EHHADH: variants seen among roughly 807,000 people sequenced by gnomAD.
EHHADH encodes the protein peroxisomal bifunctional enzyme.
In EHHADH, 48 loss-of-function variants were observed where a neutral mutation model predicts 64.4. That is an observed-to-expected ratio of 0.75 (90% CI 0.59 to 0.95). EHHADH has a LOEUF of 0.95. EHHADH is among the 40% of genes least tolerant of loss of function. EHHADH has a pLI of 0.00. For missense variants in EHHADH, 854 were observed against 876.6 expected (o/e 0.97, Z 0.33); for synonymous variants, 308 against 326.7 (o/e 0.94, Z 0.62).
chr3:185,237,390 G>C (rs1719325409), intron 2 of EHHADH, among the ~76,000 whole-genome samples: 1 of 151,958 alleles, frequency 6.6e-6, no homozygotes, highest in Non-Finnish European at 1.5e-5. Context: ...CAAGAACCTT[G>C]AATACAATGT....
At chr3:185,221,454 A>G (rs1718830091) in intron 4 of EHHADH, among the ~76,000 whole-genome samples, 1 of 152,192 alleles carries the variant, frequency 6.6e-6, no homozygotes, top group Admixed American at 6.5e-5. Context: ...GATTTATTGA[A>G]GGAAATAAAT....
At chr3:185,234,905 G>A (rs1259718545) in intron 3 of EHHADH, among the ~76,000 whole-genome samples, 2 of 152,162 alleles carry the variant, frequency 1.3e-5, no homozygotes, top group Admixed American at 6.5e-5. Flanking sequence ...CCTCTGGGCC[G>A]GGTGCAGTGG....
At chr3:185,214,789 G>A (rs1162210977) in intron 5 of EHHADH, among the ~76,000 whole-genome samples, 4 of 151,980 alleles carry the variant, frequency 2.6e-5, no homozygotes, top group Non-Finnish European at 4.4e-5. Flanking sequence ...TGAGATTATC[G>A]TTTTTACATA....
At chr3:185,246,410 G>C (rs1171243301) in intron 2 of EHHADH, 1 of 583,422 alleles carries the variant, frequency 1.7e-6, no homozygotes, top group Non-Finnish European at 2.7e-6. Context: ...CTTGCTCACA[G>C]TAGGATCAAA....
rs907890387 is a variant in EHHADH at position 185,193,357 on chromosome 3, T to C, written c.1041A>G (p.Glu347=). 3 of 1,614,116 alleles carry C rather than the reference T, an allele frequency of 1.9e-6. No homozygotes were observed. The highest frequency in any genetic ancestry group is 2.2e-5 in the South Asian group (2 of 91,060). The part of the protein sequence containing the change: ...NKMITSVLEK[E]ASKMQQSGHP... ...GGCCGCTCTGTTGCATTTTGGAGGCTTCTTTTTCCAAGACAGAGGTTATCA... is the reference window on the plus strand; with the variant it reads ...GGCCGCTCTGTTGCATTTTGGAGGCCTCTTTTTCCAAGACAGAGGTTATCA... The change falls in exon 7 of 7, where the codon GAA becomes GAG. Residue 347 remains glutamate (E), a synonymous_variant. Coordinates refer to ENST00000231887, the MANE Select transcript of EHHADH (RefSeq NM_001966.4).
Position 185,204,502 on chromosome 3 carries a change from TC to T in EHHADH, c.823del (p.Glu275LysfsTer49). On this transcript the variant is annotated frameshift_variant, in exon 6 of 7. Coordinates refer to ENST00000231887, the MANE Select transcript of EHHADH (RefSeq NM_001966.4). LOFTEE classifies it high-confidence loss of function. ...AGTTGACCACTTATTTGCTTTCCTT[TC>T]AGCGAAGAAAGCATATTGCAGGGCT... is the stretch of plus-strand genomic sequence containing the variant. ...ARALQYAFFA[E>X]RKANKWSTPS... The T allele has an allele frequency of 2.5e-6, 4 of 1,614,180 alleles. No individual in the cohort carries two copies. Among genetic ancestry groups the T allele is most frequent in the Non-Finnish European group, 2.5e-6 (3 of 1,180,036 alleles).
intron 2 of EHHADH, among the ~76,000 whole-genome samples, chr3:185,236,957 A>G (rs1277601665): frequency 6.6e-6 from 1 of 152,198 alleles, no homozygotes; most frequent in Non-Finnish European, 1.5e-5. Context: ...TTTTACAGGT[A>G]AGGAAGTTAA....
chr3:185,204,866 G>A, intron 5 of EHHADH, 109 bp from the exon 6 acceptor site: 1 of 869,158 alleles, frequency 1.2e-6, no homozygotes, highest in Non-Finnish European at 1.7e-6. Context: ...CAAACTAAAA[G>A]CTATTCATTA....
At chr3:185,241,049 C>T (rs933997861) in intron 2 of EHHADH, among the ~76,000 whole-genome samples, 13 of 150,840 alleles carry the variant, frequency 8.6e-5, no homozygotes, top group South Asian at 2.1e-4. Flanking sequence ...TCAGTGAGAA[C>T]GTACAATATT....
chr3:185,202,993 G>A (rs913841458), intron 6 of EHHADH, among the ~76,000 whole-genome samples: 1 of 151,042 alleles, frequency 6.6e-6, no homozygotes, highest in African/African-American at 2.4e-5. Flanking sequence ...AGGAAGGGGA[G>A]GGGGGGATGG....
rs1717941304 is a variant in EHHADH at position 185,192,877 on chromosome 3, C to T, written c.1521G>A (p.Gln507=). ...TTTTAAAACCAAACTCTTCCAGCACCTGATCTACCTCCTCTGGTTTGCTGC... is the reference window on the plus strand; with the variant it reads ...TTTTAAAACCAAACTCTTCCAGCACTTGATCTACCTCCTCTGGTTTGCTGC... ...EEGSKPEEVD[Q]VLEEFGFKMG... is the part of the protein sequence containing the mutation. The change falls in exon 7 of 7, where the codon CAG becomes CAA. Residue 507 remains glutamine, a synonymous_variant. Coordinates refer to ENST00000231887, the MANE Select transcript of EHHADH (RefSeq NM_001966.4). The T allele has an allele frequency of 1.2e-6, 2 of 1,614,056 alleles. No homozygotes were observed. Among genetic ancestry groups the T allele is most frequent in the Non-Finnish European group, 8.5e-7 (1 of 1,180,048 alleles).
At chr3:185,206,828 C>T (rs76759532) in intron 5 of EHHADH, among the ~76,000 whole-genome samples, 10,502 of 132,926 alleles carry the variant, frequency 0.079, 411 homozygotes, top group Admixed American at 0.1. Context: ...ACTCTGTCTC[C>T]AAAAAAAACA....
intron 6 of EHHADH, among the ~76,000 whole-genome samples, chr3:185,202,284 A>G (rs1302722304): frequency 2.0e-5 from 3 of 150,074 alleles, no homozygotes; most frequent in Non-Finnish European, 4.4e-5. Context: ...GGTTGTGGTG[A>G]GCTGAGATTG....
intron 1 of EHHADH, among the ~76,000 whole-genome samples, chr3:185,250,883 C>A (rs1360195256): frequency 2.0e-5 from 3 of 152,186 alleles, no homozygotes; most frequent in African/African-American, 7.2e-5. Flanking sequence ...ATAAACAATG[C>A]TTACAAAACT....
intron 4 of EHHADH, among the ~76,000 whole-genome samples, chr3:185,223,000 G>A (rs1398397110): frequency 2.0e-5 from 3 of 152,140 alleles, no homozygotes; most frequent in Admixed American, 2.0e-4. Flanking sequence ...CTCCTCATCA[G>A]TTTTTCCAGG....
intron 2 of EHHADH, among the ~76,000 whole-genome samples, chr3:185,238,297 T>C (rs1417686203): frequency 6.6e-6 from 1 of 152,234 alleles, no homozygotes; most frequent in African/African-American, 2.4e-5. Flanking sequence ...CTGGGTCAAA[T>C]GATAGCTCTG....
intron 4 of EHHADH, among the ~76,000 whole-genome samples, chr3:185,225,436 T>C (rs145481236): frequency 2.0e-3 from 307 of 152,232 alleles, no homozygotes; most frequent in African/African-American, 7.3e-3. Context: ...TCTGACCATA[T>C]CTTATGATTT....
intron 2 of EHHADH, chr3:185,246,379 G>C (rs1389002505): frequency 6.2e-6 from 4 of 650,162 alleles, no homozygotes; most frequent in Non-Finnish European, 9.8e-6. Flanking sequence ...AACATAAAAG[G>C]CTTCTTCTTC....
chr3:185,231,625 A>G (rs1337595560), intron 3 of EHHADH, among the ~76,000 whole-genome samples: 1 of 117,172 alleles, frequency 8.5e-6, no homozygotes, highest in East Asian at 2.4e-4. Context: ...AGGAGACCAC[A>G]TATCGTATGA....
Sources: gnomAD v4.1 joint callset for allele counts (sites outside exome capture counted in the v4.1 genomes callset) on GRCh38, gnomAD v4.1.1 for gene constraint, MANE v1.5 for transcripts, NCBI Gene and HGNC (gene_info 2026-07-23, HGNC 2026-07-21) for gene names.